ABCA8: variants seen among roughly 807,000 people sequenced by gnomAD.
ABCA8 encodes the protein ABC-type organic anion transporter ABCA8.
Under a neutral mutation model 192.3 loss-of-function variants are expected in ABCA8, and 177 were observed. The ratio of observed to expected loss-of-function variants is 0.92; its 90% confidence interval spans 0.81 to 1.04. ABCA8 has a LOEUF of 1.04. ABCA8 is among the 50% of genes least tolerant of loss of function. The pLI is 0.00. For synonymous variants in ABCA8, 642 were observed against 690.2 expected, an observed-to-expected ratio of 0.93 and a Z score of 1.09; for missense variants, 1,915 against 1,904.8, an observed-to-expected ratio of 1.01 and a Z score of -0.10.
chr17:68,912,282 A>T (rs2067242541), intron 17 of ABCA8, among the ~76,000 whole-genome samples: 1 of 152,186 alleles, frequency 6.6e-6, no homozygotes, highest in Non-Finnish European at 1.5e-5. Context: ...AATGTTTAAA[A>T]ATCAAGCGGA....
At chr17:68,910,923 TA>T (rs1431499264) in intron 17 of ABCA8, among the ~76,000 whole-genome samples, 6 of 152,164 alleles carry the variant, frequency 3.9e-5, no homozygotes, top group Non-Finnish European at 8.8e-5. Flanking sequence ...GGGCCTTGAA[TA>T]AACACCAGGA....
At chr17:68,921,755 G>T (rs1337157580) in intron 12 of ABCA8, among the ~76,000 whole-genome samples, 2 of 152,014 alleles carry the variant, frequency 1.3e-5, no homozygotes, top group African/African-American at 2.4e-5. Flanking sequence ...TATATAATAG[G>T]TTGATTGACA....
chr17:68,902,163 A>T (rs974976577), intron 21 of ABCA8, among the ~76,000 whole-genome samples: 3 of 152,254 alleles, frequency 2.0e-5, no homozygotes, highest in Non-Finnish European at 4.4e-5. Flanking sequence ...AACTTTGAAA[A>T]CATGCTAAGC....
chr17:68,946,661 G>A (rs531011244), intron 2 of ABCA8, among the ~76,000 whole-genome samples: 2 of 152,236 alleles, frequency 1.3e-5, no homozygotes, highest in African/African-American at 2.4e-5. Context: ...TGTATTGGCC[G>A]GGCATGGTGG....
chr17:68,929,801 C>T (rs1479556373), intron 7 of ABCA8, 99 bp from the exon 8 acceptor site: 3 of 1,064,478 alleles, frequency 2.8e-6, no homozygotes, highest in East Asian at 2.6e-5. Flanking sequence ...CTTATTCATC[C>T]ATTCATTCTC....
At chr17:68,899,347 C>G (rs1362689725) in intron 21 of ABCA8, among the ~76,000 whole-genome samples, 1 of 151,922 alleles carries the variant, frequency 6.6e-6, no homozygotes, top group Non-Finnish European at 1.5e-5. Context: ...AGACACATAT[C>G]AAATTAAATT....
chr17:68,907,962 G>A, intron 17 of ABCA8, 83 bp from the exon 18 acceptor site: 1 of 1,220,142 alleles, frequency 8.2e-7, no homozygotes, highest in South Asian at 2.6e-5. Context: ...AGTCTCTATA[G>A]GACAAAGAAA....
chr17:68,876,178 G>C (rs536455740), intron 35 of ABCA8: 33 of 518,024 alleles, frequency 6.4e-5, no homozygotes, highest in African/African-American at 5.9e-4. Flanking sequence ...ACGTGATTGT[G>C]ATCTAGAAAT....
chr17:68,915,857 G>A (rs146715890), intron 17 of ABCA8, among the ~76,000 whole-genome samples: 195 of 152,250 alleles, frequency 1.3e-3, no homozygotes, highest in African/African-American at 4.6e-3. Flanking sequence ...CACGAGAGCC[G>A]AGATTTGGAA....
At chr17:68,884,959 C>A in intron 27 of ABCA8, 3 of 673,248 alleles carry the variant, frequency 4.5e-6, no homozygotes, top group Non-Finnish European at 5.5e-6. Context: ...AAGGACTACT[C>A]TGTTTCCCAC....
rs747814400 is a variant in ABCA8, at chr17:68,883,825, CA to C, written c.3672del (p.Phe1224LeufsTer6). The C allele has an allele frequency of 9.4e-6, 15 of 1,598,488 alleles. No homozygotes were observed. In the African/African-American group the frequency reaches 1.8e-4, roughly 19 times the overall value. On this transcript the variant is annotated frameshift_variant, in exon 29 of 40. Coordinates refer to ENST00000586539, the MANE Select transcript of ABCA8 (RefSeq NM_001288985.2). LOFTEE classifies it high-confidence loss of function. ...LFTLRCLEWK[F>X]GKKSMRKDPF... The stretch of plus-strand genomic sequence containing the variant: ...GGATCCTTTCTCATTGATTTCTTTC[CA>C]AACTTCCATTCCAGACATCGAAGAG...
intron 3 of ABCA8, 32 bp from the exon 4 acceptor site, chr17:68,940,994 G>A (rs959499059): frequency 6.6e-7 from 1 of 1,519,588 alleles, no homozygotes; most frequent in Admixed American, 1.8e-5. Context: ...ATAAAGAAAA[G>A]TCTTATTTAA....
chr17:68,901,208 T>C (rs892179743), intron 21 of ABCA8, among the ~76,000 whole-genome samples: 2 of 152,222 alleles, frequency 1.3e-5, no homozygotes, highest in African/African-American at 4.8e-5. Flanking sequence ...TTTCAGTGAA[T>C]AGGCAAATTC....
intron 5 of ABCA8, among the ~76,000 whole-genome samples, chr17:68,934,755 A>G (rs561630609): frequency 6.0e-4 from 92 of 152,296 alleles, no homozygotes; most frequent in African/African-American, 2.1e-3. Context: ...ATTTTTGTGG[A>G]ATTTACAAAT....
At position 68,937,099 on chromosome 17, in the gene ABCA8, T is replaced by C. The variant is rs2068089407; in HGVS notation, c.318A>G (p.Gly106=). 2.5e-6 allele frequency: 4 copies of C among 1,600,422 alleles called. No homozygotes were observed. The highest frequency in any genetic ancestry group is 1.7e-6 in the Non-Finnish European group (2 of 1,175,372). Reference sequence around the variant, plus strand: ...CTTTAATACTTTCCTCATCTGGCAGTCCCAAGACCTCTTTACCTTTTGTTA... The same window carrying C: ...CTTTAATACTTTCCTCATCTGGCAGCCCCAAGACCTCTTTACCTTTTGTTA... The part of the protein sequence containing the change: ...TPFLAGKEVL[G]LPDEESIKEF... The change falls in exon 5 of 40, where the codon GGA becomes GGG. Residue 106 remains glycine (G), a synonymous_variant. Transcript: ENST00000586539.
rs766379744 is a variant in ABCA8, at chr17:68,881,994, G to A, written c.3829-14C>T. The A allele has an allele frequency of 6.2e-7, 1 of 1,600,768 alleles. No individual in the cohort carries two copies. The highest frequency in any genetic ancestry group is 1.1e-5 in the South Asian group (1 of 90,642). ...GATGACTGGCTTCTGTAAATGACAAGAAGTTATTATGTCAGACCTTAATTC... is the reference window on the plus strand; with the variant it reads ...GATGACTGGCTTCTGTAAATGACAAAAAGTTATTATGTCAGACCTTAATTC... On this transcript the variant is annotated splice_polypyrimidine_tract_variant and intron_variant, in intron 30 of 39. Transcript: ENST00000586539.
intron 24 of ABCA8, among the ~76,000 whole-genome samples, chr17:68,889,734 G>A (rs1183036288): frequency 1.3e-5 from 2 of 152,056 alleles, no homozygotes; most frequent in African/African-American, 2.4e-5. Context: ...CCCCGAGCCT[G>A]CCTTCTGTCA....
At position 68,932,314 on chromosome 17, in the gene ABCA8, C is replaced by T. The variant is rs561191437; in HGVS notation, c.771G>A (p.Met257Ile). The change falls in exon 7 of 40, where the codon ATG becomes ATA. Residue 257 changes from methionine (M) to isoleucine (I), a missense_variant. Transcript: ENST00000586539. Reference sequence around the variant, plus strand: ...AGAACGCTGAATCCCGAAGACCCATCATTGTCATCAAGGCCTTCATCCTTT... The same window carrying T: ...AGAACGCTGAATCCCGAAGACCCATTATTGTCATCAAGGCCTTCATCCTTT... ...ERKRMKALMT[M>I]MGLRDSAFWL... The T allele has an allele frequency of 1.2e-6, 2 of 1,613,590 alleles. No individual in the cohort carries two copies. The highest frequency in any genetic ancestry group is 3.3e-5 in the Admixed American group (2 of 60,014).
chr17:68,935,262 T>TTG (rs71144641), intron 5 of ABCA8, among the ~76,000 whole-genome samples: 12,840 of 135,862 alleles, frequency 0.095, 912 homozygotes, highest in African/African-American at 0.2. Context: ...GCCTGGCTAA[T>TTG]TGTGTGTGTG....
Sources: allele counts gnomAD v4.1 joint callset (sites outside exome capture counted in the v4.1 genomes callset), GRCh38; gene constraint gnomAD v4.1.1; transcripts MANE v1.5; gene names NCBI Gene and HGNC (gene_info 2026-07-23, HGNC 2026-07-21).